COLEC10: variants seen among roughly 807,000 people sequenced by gnomAD.
COLEC10 encodes the protein collectin subfamily member 10.
Under a neutral mutation model 28.4 loss-of-function variants are expected in COLEC10, and 22 were observed. The ratio of observed to expected loss-of-function variants is 0.78; its 90% CI spans 0.55 to 1.11. The LOEUF is 1.11. Ranked by LOEUF, COLEC10 falls within the 50% of genes least tolerant of loss-of-function variation. The pLI, the probability that COLEC10 is intolerant of heterozygous loss-of-function variation, is 0.00. For synonymous variants in COLEC10, 125 were observed against 116.1 expected (o/e 1.08, Z -0.49); for missense variants, 361 against 344.1 (o/e 1.05, Z -0.39).
intron 1 of COLEC10, among the ~76,000 whole-genome samples, chr8:119,075,964 G>A (rs1289259651): frequency 1.5e-5 from 2 of 136,550 alleles, no homozygotes; most frequent in East Asian, 2.1e-4. Flanking sequence ...GCAGTGGTGC[G>A]ATCTCGGCTC....
intron 2 of COLEC10, among the ~76,000 whole-genome samples, chr8:119,052,698 C>T (rs1410835804): frequency 2.0e-5 from 3 of 152,114 alleles, no homozygotes; most frequent in Non-Finnish European, 4.4e-5. Flanking sequence ...GATGTTGTTT[C>T]TGTGCCATTC....
chr8:118,956,218 C>A, the COLEC10 span, among the ~76,000 whole-genome samples: 1 of 152,128 alleles, frequency 6.6e-6, no homozygotes, highest in Non-Finnish European at 1.5e-5. Flanking sequence ...CATCCAAAGG[C>A]CCCCTTTCCT....
Position 119,107,891 on chromosome 8 carries a change from TTTTAAG to T in COLEC10, c.*1702_*1707del, listed in dbSNP as rs1158617606. 6.6e-6 allele frequency among the ~76,000 whole-genome samples: 1 copy of T among 152,174 alleles called. No individual in the cohort carries two copies. Among genetic ancestry groups the T allele is most frequent in the Non-Finnish European group, 1.5e-5 (1 of 68,028 alleles). On this transcript the variant is annotated 3_prime_UTR_variant, in exon 6 of 6. Coordinates refer to ENST00000332843, the MANE Select transcript of COLEC10 (RefSeq NM_006438.5). ...GCAACTAATTAATTTTTAACCCAAA[TTTTAAG>T]TGGGTTAAAAATTAATTAAAATTAA... is the stretch of plus-strand genomic sequence containing the variant.
At chr8:118,976,548 A>G in the COLEC10 span, 2 of 152,336 alleles carry the variant, frequency 1.3e-5, no homozygotes, top group African/African-American at 2.4e-5. Flanking sequence ...TAAAATTGGA[A>G]CGATACAGAG....
In COLEC10 at chr8:119,095,399, C is replaced by G. The variant is rs1404499720; in HGVS notation, c.292+4179C>G. ...GATTGATCCATCGACTCAATGCTAC[C>G]TCAGTCAAAATCCCAGAAGTGGGCC... On this transcript the variant is annotated intron_variant, in intron 3 of 5. Coordinates refer to ENST00000332843, the MANE Select transcript of COLEC10 (RefSeq NM_006438.5). Among the ~76,000 whole-genome samples the G allele has an allele frequency of 2.6e-5, 4 of 152,118 alleles. No homozygotes were observed. In the East Asian group the frequency reaches 7.7e-4, roughly 29 times the overall value.
At chr8:119,026,023 T>C (rs1814184265) in intron 2 of COLEC10, among the ~76,000 whole-genome samples, 1 of 152,208 alleles carries the variant, frequency 6.6e-6, no homozygotes, top group Non-Finnish European at 1.5e-5. Flanking sequence ...CAATACCTGA[T>C]GTGATTGACT....
chr8:119,045,036 T>A (rs1259040978), intron 2 of COLEC10, among the ~76,000 whole-genome samples: 1 of 152,226 alleles, frequency 6.6e-6, no homozygotes. Flanking sequence ...ATTAATAAAT[T>A]TCCACAATTT....
intron 1 of COLEC10, among the ~76,000 whole-genome samples, chr8:119,083,092 A>G (rs568970214): frequency 1.5e-4 from 23 of 152,210 alleles, no homozygotes; most frequent in African/African-American, 5.5e-4. Context: ...CCAAACTTAC[A>G]CTCGTCAACC....
At chr8:119,069,682 C>G (rs1040452036) in intron 1 of COLEC10, among the ~76,000 whole-genome samples, 16 of 126,132 alleles carry the variant, frequency 1.3e-4, no homozygotes, top group African/African-American at 3.9e-4. Flanking sequence ...ATCTACTCTA[C>G]CTTGTTCCTT....
intron 3 of COLEC10, among the ~76,000 whole-genome samples, chr8:119,096,413 G>A (rs898115552): frequency 5.3e-5 from 8 of 152,208 alleles, no homozygotes; most frequent in Middle Eastern, 3.4e-3. Context: ...CCAGCATGGC[G>A]AAACCCCATC....
chr8:119,001,593 T>C (rs1813701046), intron 1 of COLEC10, among the ~76,000 whole-genome samples: 1 of 152,124 alleles, frequency 6.6e-6, no homozygotes, highest in Non-Finnish European at 1.5e-5. Flanking sequence ...AACTTGGTAA[T>C]TAGACAGTGC....
At chr8:119,064,699 T>G (rs1814921207), upstream of COLEC10, among the ~76,000 whole-genome samples, 3 of 152,230 alleles carry the variant, frequency 2.0e-5, no homozygotes, top group Admixed American at 1.3e-4. Context: ...TTTTAAGTGT[T>G]TGTGAAAAAT....
At chr8:119,034,247 T>C (rs553197887) in intron 2 of COLEC10, among the ~76,000 whole-genome samples, 1 of 151,262 alleles carries the variant, frequency 6.6e-6, no homozygotes, top group South Asian at 2.1e-4. Flanking sequence ...TATTGGAGGA[T>C]GGGGGGTGGG....
chr8:119,006,021 C>T (rs1813788291), intron 1 of COLEC10, among the ~76,000 whole-genome samples: 1 of 152,074 alleles, frequency 6.6e-6, no homozygotes, highest in Non-Finnish European at 1.5e-5. Flanking sequence ...GCTTTTAAAG[C>T]TATCATCAGT....
At chr8:118,998,554 C>T (rs140627877) in intron 1 of COLEC10, among the ~76,000 whole-genome samples, 1,931 of 151,982 alleles carry the variant, frequency 0.013, 19 homozygotes, top group Non-Finnish European at 0.017. Flanking sequence ...AATTTAAGAA[C>T]TTGGCCAGGC....
At chr8:119,004,951 C>A (rs1162357797) in intron 1 of COLEC10, among the ~76,000 whole-genome samples, 3 of 152,018 alleles carry the variant, frequency 2.0e-5, no homozygotes, top group African/African-American at 4.8e-5. Context: ...ACTACTAGTT[C>A]TCTGGCACCT....
upstream of COLEC10, among the ~76,000 whole-genome samples, chr8:118,994,912 A>C (rs1011555149): frequency 3.9e-5 from 6 of 152,288 alleles, no homozygotes; most frequent in Admixed American, 6.5e-5. Context: ...ATCTCATAGC[A>C]CTGACAAAGG....
At chr8:119,053,077 C>T (rs1194824363) in intron 2 of COLEC10, among the ~76,000 whole-genome samples, 1 of 152,028 alleles carries the variant, frequency 6.6e-6, no homozygotes, top group Non-Finnish European at 1.5e-5. Context: ...GCCTCCTACT[C>T]AATTTTAAGT....
intron 2 of COLEC10, among the ~76,000 whole-genome samples, chr8:119,051,338 G>A (rs976502737): frequency 6.6e-6 from 1 of 152,116 alleles, no homozygotes; most frequent in Non-Finnish European, 1.5e-5. Flanking sequence ...CTAAATTCAA[G>A]TCCCTATGAT....
Sources: gnomAD v4.1 joint callset for allele counts (sites outside exome capture counted in the v4.1 genomes callset) on GRCh38, gnomAD v4.1.1 for gene constraint, MANE v1.5 for transcripts, NCBI Gene and HGNC (gene_info 2026-07-23, HGNC 2026-07-21) for gene names.